The following DLG1 variants were observed in gnomAD, a reference collection of about 807,000 sequenced individuals.
DLG1 encodes discs large MAGUK scaffold protein 1.
A neutral mutation model predicts 123.4 loss-of-function variants in DLG1; 42 were observed. The observed-to-expected ratio is 0.34, with a 90% confidence interval of 0.27 to 0.44. DLG1 has a LOEUF of 0.44. Among genes scored for constraint, DLG1 ranks in the 20% least tolerant of loss-of-function variants. DLG1 has a pLI of 1.00. For synonymous variants in DLG1, 317 were observed against 356.2 expected, an observed-to-expected ratio of 0.89 and a Z score of 1.24; for missense variants, 942 against 1,082.6, an observed-to-expected ratio of 0.87 and a Z score of 1.82.
intron 4 of DLG1, among the ~76,000 whole-genome samples, chr3:197,232,575 C>G (rs1743774222): frequency 6.6e-6 from 1 of 152,084 alleles, no homozygotes; most frequent in South Asian, 2.1e-4. Flanking sequence ...CTCTAACCTA[C>G]TAGATCCAAA....
chr3:197,072,568 G>A (rs1744641795), intron 18 of DLG1, among the ~76,000 whole-genome samples: 1 of 151,654 alleles, frequency 6.6e-6, no homozygotes, highest in Admixed American at 6.6e-5. Flanking sequence ...GTTTTCTAAT[G>A]GAGAGTTAGC....
Position 197,248,241 on chromosome 3 carries a change from A to G in DLG1, c.318+34438T>C, listed in dbSNP as rs553003776. Reference sequence around the variant, plus strand: ...CTTACTTTGATCTCGACCACCAAGGAAATACTTCACTGCCCCCACGGCTTT... The same window carrying G: ...CTTACTTTGATCTCGACCACCAAGGGAATACTTCACTGCCCCCACGGCTTT... On this transcript the variant is annotated intron_variant, in intron 4 of 24. Transcript: ENST00000667157. Among the ~76,000 whole-genome samples the G allele has an allele frequency of 7.4e-4, 113 of 152,256 alleles. 1 individual carries two copies. Among genetic ancestry groups the G allele is most frequent in the African/African-American group, 2.5e-3 (105 of 41,542 alleles).
intron 5 of DLG1, among the ~76,000 whole-genome samples, chr3:197,157,766 GGC>G (rs1427746310): frequency 6.6e-6 from 1 of 152,098 alleles, no homozygotes; most frequent in African/African-American, 2.4e-5. Flanking sequence ...AAAGGTGGCG[GGC>G]TAACACTTCC....
intron 4 of DLG1, among the ~76,000 whole-genome samples, chr3:197,262,762 T>C (rs1368508455): frequency 6.6e-6 from 1 of 152,340 alleles, no homozygotes; most frequent in South Asian, 2.1e-4. Context: ...AGGTGTCCAC[T>C]GGAAAAGCTT....
intron 4 of DLG1, among the ~76,000 whole-genome samples, chr3:197,222,564 C>CA (rs1737697654): frequency 1.3e-5 from 2 of 151,982 alleles, no homozygotes; most frequent in Admixed American, 6.6e-5. Flanking sequence ...CTCTTAACAG[C>CA]AAAAAACAAA....
chr3:197,233,090 C>T (rs1350850721), intron 4 of DLG1, among the ~76,000 whole-genome samples: 1 of 152,024 alleles, frequency 6.6e-6, no homozygotes, highest in East Asian at 1.9e-4. Context: ...CGTCAGAAAA[C>T]TTAAAACTGC....
rs1773182087 is a variant in DLG1 at position 197,116,211 on chromosome 3, G to A, written c.1287-128C>T. ...AAGAAAGCTAGACAAAATATAAATG[G>A]TTTTTCTAAAACTACGAGATAAAGA... On this transcript the variant is annotated intron_variant, in intron 12 of 24. Transcript: ENST00000667157. 3 of 710,166 alleles carry A rather than the reference G, an allele frequency of 4.2e-6. No individual in the cohort carries two copies. In the Admixed American group the frequency reaches 1.1e-4, roughly 26 times the overall value. 44.0% of individuals were successfully genotyped at this position (710,166 alleles called of 1,614,324 possible).
In DLG1 at chr3:197,216,895, T is replaced by C. The variant is rs534370801; in HGVS notation, c.319-22306A>G. 5.9e-5 allele frequency among the ~76,000 whole-genome samples: 9 copies of C among 152,308 alleles called. 1 individual carries two copies. The South Asian group carries it at 1.7e-3, about 28-fold the overall frequency. On this transcript the variant is annotated intron_variant, in intron 4 of 24. Coordinates refer to ENST00000667157, the MANE Select transcript of DLG1 (RefSeq NM_001366207.1). Reference sequence around the variant, plus strand: ...TGACAGAGAGATATTTTACAACTACTAGCTGATCAAAATATGAATGAAAAT... The same window carrying C: ...TGACAGAGAGATATTTTACAACTACCAGCTGATCAAAATATGAATGAAAAT...
intron 5 of DLG1, among the ~76,000 whole-genome samples, chr3:197,168,663 A>G: frequency 6.6e-6 from 1 of 152,222 alleles, no homozygotes; most frequent in Non-Finnish European, 1.5e-5. Flanking sequence ...AACTTGAAAA[A>G]TCTTATATAA....
At chr3:197,284,516 A>C (rs1474050305) in intron 3 of DLG1, among the ~76,000 whole-genome samples, 3 of 152,198 alleles carry the variant, frequency 2.0e-5, no homozygotes, top group Admixed American at 6.5e-5. Context: ...TCACCATGAA[A>C]ATGTAAAGAA....
At chr3:197,174,330 C>G (rs972021634) in intron 5 of DLG1, among the ~76,000 whole-genome samples, 2 of 152,126 alleles carry the variant, frequency 1.3e-5, no homozygotes, top group South Asian at 4.1e-4. Context: ...TCCCCAAAAA[C>G]CATGGAAGCG....
At chr3:197,186,397 C>A (rs918114445) in intron 5 of DLG1, among the ~76,000 whole-genome samples, 5 of 152,134 alleles carry the variant, frequency 3.3e-5, no homozygotes, top group African/African-American at 9.7e-5. Context: ...GCAATCTAAA[C>A]CACCAAAAGG....
intron 23 of DLG1, among the ~76,000 whole-genome samples, chr3:197,058,863 A>G (rs1007995794): frequency 2.6e-5 from 4 of 152,200 alleles, no homozygotes; most frequent in Admixed American, 2.6e-4. Context: ...GAATGCTATG[A>G]AGTGCAAACA....
chr3:197,227,563 G>C (rs1335300305), intron 4 of DLG1, among the ~76,000 whole-genome samples: 2 of 152,112 alleles, frequency 1.3e-5, no homozygotes, highest in East Asian at 1.9e-4. Context: ...TCAACAGCCT[G>C]GTCTCTGTAT....
intron 5 of DLG1, among the ~76,000 whole-genome samples, chr3:197,155,886 C>G (rs1404838850): frequency 1.3e-5 from 2 of 152,080 alleles, no homozygotes; most frequent in African/African-American, 4.8e-5. Flanking sequence ...GAGGTTGAGG[C>G]TGCAGTGAGC....
chr3:197,085,557 C>A, intron 16 of DLG1, 23 bp downstream of exon 16: 2 of 1,612,082 alleles, frequency 1.2e-6, no homozygotes, highest in Non-Finnish European at 1.7e-6. Flanking sequence ...GCCTCACATT[C>A]AAGTGGTAAG....
At chr3:197,294,284 T>G (rs150282489) in intron 3 of DLG1, among the ~76,000 whole-genome samples, 1 of 152,102 alleles carries the variant, frequency 6.6e-6, no homozygotes, top group Non-Finnish European at 1.5e-5. Context: ...TATAAGTAAA[T>G]TTAAATGTCA....
At chr3:197,168,190 A>C (rs1802346793) in intron 5 of DLG1, among the ~76,000 whole-genome samples, 1 of 152,308 alleles carries the variant, frequency 6.6e-6, no homozygotes, top group East Asian at 1.9e-4. Flanking sequence ...ATACCATTTA[A>C]AAAAATTCCC....
At chr3:197,091,214 C>T (rs1757552442) in intron 14 of DLG1, among the ~76,000 whole-genome samples, 188 bp from the exon 15 acceptor site, 1 of 151,820 alleles carries the variant, frequency 6.6e-6, no homozygotes, top group Admixed American at 6.6e-5. Context: ...CTAAATGTAC[C>T]ATAAATTAGA....
Sources: gnomAD v4.1 joint callset for allele counts (sites outside exome capture counted in the v4.1 genomes callset) on GRCh38, gnomAD v4.1.1 for gene constraint, MANE v1.5 for transcripts, NCBI Gene and HGNC (gene_info 2026-07-23, HGNC 2026-07-21) for gene names.